The following MACROH2A1 variants were observed in gnomAD, a reference collection of about 807,000 sequenced individuals.
MACROH2A1 encodes the protein core histone macro-H2A.1.
Under a neutral mutation model 31.6 loss-of-function variants are expected in MACROH2A1, and 2 were observed. The observed-to-expected ratio is 0.06, with a 90% CI of 0.03 to 0.20. The LOEUF is 0.20. Ranked by LOEUF, MACROH2A1 falls within the 10% of genes least tolerant of loss-of-function variation. The pLI is 1.00. For synonymous variants in MACROH2A1, 169 were observed against 189.6 expected (o/e 0.89, Z 0.89); for missense variants, 230 against 474.0 (o/e 0.49, Z 4.78).
At chr5:135,337,797 G>A (rs527702119) in intron 8 of MACROH2A1, 1 of 240,940 alleles carries the variant, frequency 4.2e-6, no homozygotes, top group Non-Finnish European at 6.9e-6. Context: ...CTACCGTCCC[G>A]TTAATAGAGA....
chr5:135,386,939 G>C (rs1184718495), intron 2 of MACROH2A1, among the ~76,000 whole-genome samples: 1 of 152,234 alleles, frequency 6.6e-6, no homozygotes. Context: ...GCCTGGGTTT[G>C]TGTAGCACAT....
intron 1 of MACROH2A1, among the ~76,000 whole-genome samples, chr5:135,392,560 G>C (rs1767393714): frequency 6.6e-6 from 1 of 152,166 alleles, no homozygotes; most frequent in African/African-American, 2.4e-5. Context: ...GCAATGTGTG[G>C]TGGTTTTCAA....
intron 1 of MACROH2A1, among the ~76,000 whole-genome samples, chr5:135,391,675 C>G (rs1028351403): frequency 2.0e-5 from 3 of 152,220 alleles, no homozygotes; most frequent in African/African-American, 7.2e-5. Context: ...TCCTCTGGGT[C>G]TCTCAGCCTC....
In MACROH2A1 at chr5:135,347,784, G is replaced by T. The variant is rs114672015; in HGVS notation, c.689-1727C>A. ...CTGGATTCCACACACTGCTGCCCCTGGGGCCCAGTCTAGCCTTCTGTCTTA... is the reference window on the plus strand; with the variant it reads ...CTGGATTCCACACACTGCTGCCCCTTGGGCCCAGTCTAGCCTTCTGTCTTA... On this transcript the variant is annotated intron_variant, in intron 6 of 8. Coordinates refer to ENST00000511689, the MANE Select transcript of MACROH2A1 (RefSeq NM_138610.3). Among the ~76,000 whole-genome samples the T allele has an allele frequency of 2.4e-3, 369 of 152,322 alleles. 2 individuals are homozygous for T. Among genetic ancestry groups the T allele is most frequent in the African/African-American group, 8.7e-3 (360 of 41,574 alleles).
At chr5:135,353,780 C>T (rs1213480825) in intron 5 of MACROH2A1, 4 of 152,218 alleles carry the variant, frequency 2.6e-5, no homozygotes, top group African/African-American at 4.8e-5. Context: ...GTGTTATATC[C>T]ACCCAGTGAA....
In MACROH2A1 at chr5:135,360,610, T is replaced by G. The variant is rs1762718765; in HGVS notation, c.478-3A>C. On this transcript the variant is annotated splice_polypyrimidine_tract_variant and splice_region_variant and intron_variant, in intron 4 of 8. Transcript: ENST00000511689. ...TTACTGACTTCACCCTGCTTCTTCT[T>G]GCACAGACGGAAGGGTCAGAATGTG... 6.2e-7 allele frequency: 1 copy of G among 1,607,156 alleles called. No homozygotes were observed. The highest frequency in any genetic ancestry group is 8.5e-7 in the Non-Finnish European group (1 of 1,173,738).
chr5:135,379,178 C>T (rs1245553992), intron 2 of MACROH2A1, among the ~76,000 whole-genome samples: 2 of 152,184 alleles, frequency 1.3e-5, no homozygotes, highest in African/African-American at 2.4e-5. Flanking sequence ...GCAGGGAACG[C>T]GCCTTCTATA....
chr5:135,352,796 T>C, intron 6 of MACROH2A1, 150 bp downstream of exon 6: 4 of 623,566 alleles, frequency 6.4e-6, no homozygotes, highest in African/African-American at 1.8e-5. Context: ...CTGGAGTAAG[T>C]TGATATTCAG....
chr5:135,336,965 C>A (rs1204197169), intron 8 of MACROH2A1, among the ~76,000 whole-genome samples: 2 of 152,186 alleles, frequency 1.3e-5, no homozygotes, highest in Non-Finnish European at 2.9e-5. Context: ...TACTTAGGGG[C>A]CAAGGGCTTC....
At chr5:135,349,963 G>A (rs1040992470) in intron 6 of MACROH2A1, among the ~76,000 whole-genome samples, 4 of 152,172 alleles carry the variant, frequency 2.6e-5, no homozygotes, top group Non-Finnish European at 5.9e-5. Context: ...GTGACAGTAG[G>A]ATTCCAGTTC....
rs192459246 is a variant in MACROH2A1, at chr5:135,368,988, T to G, written c.477+418A>C. Among the ~76,000 whole-genome samples the G allele has an allele frequency of 8.3e-4, 126 of 152,356 alleles. 1 individual carries two copies. The highest frequency in any genetic ancestry group is 3.4e-3 in the Middle Eastern group (1 of 294). On this transcript the variant is annotated intron_variant, in intron 4 of 8. Coordinates refer to ENST00000511689, the MANE Select transcript of MACROH2A1 (RefSeq NM_138610.3). The stretch of plus-strand genomic sequence containing the variant: ...CGCCCTGATGGAAGACATGCAGCCA[T>G]GGCAACATGAGAGTTCTGCAACTGA...
intron 1 of MACROH2A1, 52 bp from the exon 2 acceptor site, chr5:135,389,178 C>T (rs1581360357): frequency 5.7e-6 from 8 of 1,405,538 alleles, no homozygotes; most frequent in South Asian, 1.3e-5. Context: ...AGCACATGTC[C>T]CCTTTCCAGG....
intron 8 of MACROH2A1, among the ~76,000 whole-genome samples, chr5:135,340,197 T>TA (rs987058081): frequency 6.6e-6 from 1 of 152,188 alleles, no homozygotes; most frequent in African/African-American, 2.4e-5. Flanking sequence ...ATTCTCACTC[T>TA]ACCAAGTACA....
At chr5:135,337,763 T>C (rs1371039409) in intron 8 of MACROH2A1, among the ~76,000 whole-genome samples, 1 of 152,204 alleles carries the variant, frequency 6.6e-6, no homozygotes, top group East Asian at 1.9e-4. Context: ...TCAAATGTTT[T>C]AGACTTGCAG....
intron 8 of MACROH2A1, among the ~76,000 whole-genome samples, chr5:135,340,975 C>CATGAAA (rs1759740381): frequency 6.6e-6 from 1 of 152,170 alleles, no homozygotes; most frequent in African/African-American, 2.4e-5. Context: ...CTTTTTACTC[C>CATGAAA]ATGAAAAATG....
rs1405683670 is a variant in MACROH2A1 at position 135,398,511 on chromosome 5, G to A, written c.-34+551C>T. 6.6e-6 allele frequency among the ~76,000 whole-genome samples: 1 copy of A among 152,230 alleles called. No homozygotes were observed. On this transcript the variant is annotated intron_variant, in intron 1 of 8. Transcript: ENST00000511689. This position sits in a 1 kb window ranked among gnomAD's most constrained non-coding sequence, Gnocchi z 4.6. ...CACCAGCCCGGCTTCAATCCCGCGA[G>A]TAGCCCCCGCCTTCCCCTCCCTGCA...
chr5:135,340,796 C>T (rs1001939013), intron 8 of MACROH2A1, among the ~76,000 whole-genome samples: 2 of 152,304 alleles, frequency 1.3e-5, no homozygotes, highest in Admixed American at 6.5e-5. Context: ...ATTTACTGGC[C>T]GGCTCTGGTG....
chr5:135,384,867 CA>C (rs1167273853), intron 2 of MACROH2A1, among the ~76,000 whole-genome samples: 1 of 152,128 alleles, frequency 6.6e-6, no homozygotes, highest in Non-Finnish European at 1.5e-5. Flanking sequence ...GCCTAAGCCA[CA>C]AGTAAGAAGT....
Position 135,343,355 on chromosome 5 carries a change from A to G in MACROH2A1, c.858T>C (p.Cys286=). 1 of 1,614,200 alleles carries G rather than the reference A, an allele frequency of 6.2e-7. No individual in the cohort carries two copies. The highest frequency in any genetic ancestry group is 8.5e-7 in the Non-Finnish European group (1 of 1,180,040). Residue 286 remains cysteine (C), a synonymous_variant, in exon 8 of 9, where the codon TGT becomes TGC. Transcript: ENST00000511689. The part of the protein sequence containing the change: ...CNSPVWGADK[C]EELLEKTVKN... ...TCACTGTCTTTTCCAGAAGTTCTTC[A>G]CACTTGTCTGCACCCCAAACTGGAC...
Sources: gnomAD v4.1 joint callset for allele counts (sites outside exome capture counted in the v4.1 genomes callset) on GRCh38, gnomAD v4.1.1 for gene constraint, Gnocchi (gnomAD v3.1) non-coding constraint, MANE v1.5 for transcripts, NCBI Gene and HGNC (gene_info 2026-07-23, HGNC 2026-07-21) for gene names.